CARMIL1: variants seen among roughly 807,000 people sequenced by gnomAD.
CARMIL1 encodes the protein capping protein regulator and myosin 1 linker 1, also known as F-actin-uncapping protein LRRC16A.
A neutral mutation model predicts 177.1 loss-of-function variants in CARMIL1; 90 were observed. That is an observed-to-expected ratio of 0.51 (90% confidence interval 0.43 to 0.61). The LOEUF (loss-of-function observed/expected upper bound fraction) is 0.61. Among genes scored for constraint, CARMIL1 ranks in the 20% least tolerant of loss-of-function variants. The pLI is 0.00. For missense variants in CARMIL1, 1,380 were observed against 1,667.0 expected, an observed-to-expected ratio of 0.83 and a Z score of 3.00; for synonymous variants, 577 against 606.2, an observed-to-expected ratio of 0.95 and a Z score of 0.71.
intron 31 of CARMIL1, among the ~76,000 whole-genome samples, chr6:25,582,055 T>C (rs1343525961): frequency 1.3e-5 from 2 of 152,212 alleles, no homozygotes; most frequent in Non-Finnish European, 2.9e-5. Flanking sequence ...TAGCTAAACT[T>C]CTTGAAAAAG....
intron 2 of CARMIL1, among the ~76,000 whole-genome samples, chr6:25,384,785 A>G (rs1310276102): frequency 6.6e-6 from 1 of 152,236 alleles, no homozygotes; most frequent in African/African-American, 2.4e-5. Flanking sequence ...TGATGACTAT[A>G]AATTCTATAA....
intron 2 of CARMIL1, among the ~76,000 whole-genome samples, chr6:25,393,196 T>C (rs1793049033): frequency 6.6e-6 from 1 of 152,198 alleles, no homozygotes; most frequent in African/African-American, 2.4e-5. Flanking sequence ...GCAATGATAC[T>C]TGGAGTAGCT....
intron 23 of CARMIL1, among the ~76,000 whole-genome samples, chr6:25,524,234 A>G (rs1202566732): frequency 6.6e-6 from 1 of 152,196 alleles, no homozygotes; most frequent in Non-Finnish European, 1.5e-5. Flanking sequence ...GCCATAGCCC[A>G]GGGACCAGGA....
At chr6:25,506,003 G>C (rs1202933312) in intron 17 of CARMIL1, among the ~76,000 whole-genome samples, 3 of 152,080 alleles carry the variant, frequency 2.0e-5, no homozygotes, top group Non-Finnish European at 1.5e-5. Context: ...TGCAATTCAT[G>C]ATGAGTAGAA....
chr6:25,610,218 T>A lies in CARMIL1; in HGVS notation c.3979+37T>A, dbSNP rs376778684. ...AAGGATTTCTTTTCTCTGGGTTAGC[T>A]CTCCCCAAGGAGGGACATTTCAAAA... On this transcript the variant is annotated intron_variant, in intron 36 of 36. Transcript: ENST00000329474. 1.4e-4 allele frequency: 229 copies of A among 1,592,698 alleles called. No homozygotes were observed. In the African/African-American group the frequency reaches 1.7e-3, roughly 12 times the overall value.
At chr6:25,448,632 C>T (rs533575675) in intron 5 of CARMIL1, among the ~76,000 whole-genome samples, 10 of 152,300 alleles carry the variant, frequency 6.6e-5, no homozygotes, top group Admixed American at 3.3e-4. Context: ...CCCTCGCTTT[C>T]GCCCTGAACT....
intron 2 of CARMIL1, among the ~76,000 whole-genome samples, chr6:25,364,813 C>T (rs192958948): frequency 1.4e-4 from 21 of 152,242 alleles, no homozygotes; most frequent in Non-Finnish European, 2.9e-4. Context: ...GATCCATCCG[C>T]CTCGGCCTCC....
At chr6:25,461,478 C>T (rs1327177056) in intron 8 of CARMIL1, among the ~76,000 whole-genome samples, 1 of 152,198 alleles carries the variant, frequency 6.6e-6, no homozygotes, top group Non-Finnish European at 1.5e-5. Context: ...TGCAAGGCAG[C>T]ACTGGGTTCC....
At chr6:25,317,786 A>G (rs1424873870) in intron 2 of CARMIL1, among the ~76,000 whole-genome samples, 1 of 151,852 alleles carries the variant, frequency 6.6e-6, no homozygotes, top group Non-Finnish European at 1.5e-5. Flanking sequence ...GTTGATCTAG[A>G]ACTCCTGACC....
At chr6:25,307,452 A>G (rs1783366730) in intron 2 of CARMIL1, among the ~76,000 whole-genome samples, 4 of 152,188 alleles carry the variant, frequency 2.6e-5, no homozygotes, top group Non-Finnish European at 5.9e-5. Flanking sequence ...CTTGTACTCA[A>G]TAAATGTTTG....
At chr6:25,306,734 A>C (rs1338517316) in intron 2 of CARMIL1, among the ~76,000 whole-genome samples, 3 of 152,140 alleles carry the variant, frequency 2.0e-5, no homozygotes, top group African/African-American at 7.2e-5. Context: ...GCTACTGTGA[A>C]TACTATTGTG....
At position 25,520,326 on chromosome 6, in the gene CARMIL1, G is replaced by T. The variant is rs746302280; in HGVS notation, c.1957G>T (p.Ala653Ser). 31 of 1,539,882 alleles carry T rather than the reference G, an allele frequency of 2.0e-5. No homozygotes were observed. Among genetic ancestry groups the T allele is most frequent in the Non-Finnish European group, 2.6e-5 (30 of 1,135,134 alleles). ...LKTNPEKTED[A>S]LQKIENYLLR... ...AACAAACCCTGAAAAAACAGAAGAC[G>T]CTCTGCAAAAGGTATTAAAGAATCA... The change falls in exon 23 of 37, where the codon GCT becomes TCT. Residue 653 changes from alanine (A) to serine (S), a missense_variant. Transcript: ENST00000329474.
intron 9 of CARMIL1, among the ~76,000 whole-genome samples, chr6:25,468,467 A>C (rs1800826114): frequency 6.6e-6 from 1 of 152,144 alleles, no homozygotes; most frequent in African/African-American, 2.4e-5. Flanking sequence ...TAGTGATTCT[A>C]GTTTTTGTTG....
chr6:25,502,191 T>C (rs531042229), intron 17 of CARMIL1, among the ~76,000 whole-genome samples: 84 of 150,972 alleles, frequency 5.6e-4, no homozygotes, highest in Non-Finnish European at 9.3e-4. Context: ...TTATTTTTAA[T>C]TGGGGGAGGA....
chr6:25,526,991 A>G (rs1306336569), intron 23 of CARMIL1, among the ~76,000 whole-genome samples: 2 of 152,216 alleles, frequency 1.3e-5, no homozygotes, highest in Non-Finnish European at 2.9e-5. Context: ...TCAATACTCA[A>G]TCTTAAAAAC....
chr6:25,604,862 C>T lies in CARMIL1; in HGVS notation c.3603C>T (p.Ser1201=), dbSNP rs765334774. 17 of 1,598,548 alleles carry T rather than the reference C, an allele frequency of 1.1e-5. No homozygotes were observed. Among genetic ancestry groups the T allele is most frequent in the Admixed American group, 6.9e-5 (4 of 58,184 alleles). ...VSQDSSSPAL[S]GVERSDGGGA... ...AGGATTCTTCCAGCCCAGCTTTGAG[C>T]GGCGTAGAACGGTCGGATGGAGGTG... is the stretch of plus-strand genomic sequence containing the variant. Residue 1201 remains serine (S), a synonymous_variant, in exon 34 of 37, where the codon AGC becomes AGT. Coordinates refer to ENST00000329474, the MANE Select transcript of CARMIL1 (RefSeq NM_017640.6).
intron 17 of CARMIL1, among the ~76,000 whole-genome samples, 169 bp downstream of exon 17, chr6:25,500,404 C>A (rs917850018): frequency 1.3e-5 from 2 of 152,140 alleles, no homozygotes; most frequent in African/African-American, 4.8e-5. Flanking sequence ...CTACAGACAG[C>A]CACAGAACAT....
At chr6:25,383,293 A>G (rs951949811) in intron 2 of CARMIL1, among the ~76,000 whole-genome samples, 1 of 152,180 alleles carries the variant, frequency 6.6e-6, no homozygotes, top group Admixed American at 6.5e-5. Flanking sequence ...AAGGTTTCAA[A>G]TGTACATAGA....
In CARMIL1 at chr6:25,291,577, A is replaced by G. The variant is rs1305117082; in HGVS notation, c.138+6668A>G. Among the ~76,000 whole-genome samples the G allele has an allele frequency of 2.0e-5, 3 of 152,276 alleles. No homozygotes were observed. In the East Asian group the frequency reaches 5.8e-4, roughly 29 times the overall value. ...TTTTCAGACGGATATTCATGCTGAA[A>G]TTTGTGTTCAGCTTCTTAAGGCAAC... is the stretch of plus-strand genomic sequence containing the variant. On this transcript the variant is annotated intron_variant, in intron 2 of 36. Transcript: ENST00000329474.
Sources: gnomAD v4.1 joint callset for allele counts (sites outside exome capture counted in the v4.1 genomes callset) on GRCh38, gnomAD v4.1.1 for gene constraint, MANE v1.5 for transcripts, NCBI Gene and HGNC (gene_info 2026-07-23, HGNC 2026-07-21) for gene names.